SOX13: variants seen among roughly 807,000 people sequenced by gnomAD.
SOX13 encodes the protein transcription factor SOX-13.
In SOX13, 28 loss-of-function variants were observed where a neutral mutation model predicts 71.8. That is an observed-to-expected ratio of 0.39 (90% confidence interval 0.29 to 0.53). SOX13 has a LOEUF of 0.53. Among genes scored for constraint, SOX13 ranks in the 20% least tolerant of loss-of-function variants. SOX13 has a pLI of 0.70. For synonymous variants in SOX13, 309 were observed against 317.8 expected, an observed-to-expected ratio of 0.97 and a Z score of 0.29; for missense variants, 627 against 810.3, an observed-to-expected ratio of 0.77 and a Z score of 2.75.
chr1:204,074,570 C>G (rs1006722357), intron 1 of SOX13, among the ~76,000 whole-genome samples: 2 of 152,198 alleles, frequency 1.3e-5, no homozygotes, highest in Non-Finnish European at 2.9e-5. Flanking sequence ...GGCTGCTTCC[C>G]GTCCCCAGGC....
Position 204,116,666 on chromosome 1 carries a change from A to T in SOX13, c.578A>T (p.Gln193Leu), listed in dbSNP as rs764314715. 7.4e-6 allele frequency: 12 copies of T among 1,613,600 alleles called. 1 individual carries two copies. Among genetic ancestry groups the T allele is most frequent in the Non-Finnish European group, 9.3e-6 (11 of 1,179,850 alleles). The change falls in exon 5 of 14, where the codon CAG (glutamine) becomes CTG (leucine). Residue 193 changes from glutamine (Q) to leucine (L), a missense_variant. This residue lies in a region of SOX13 where 447 missense variants were observed against 532.2 expected (regional missense o/e 0.84). Transcript: ENST00000367204. ...KQQQQMELAR[Q>L]QQEQIAKQQQ... ...CAGCAGCAGATGGAGCTTGCCCGGC[A>T]GCAGCAGGAGCAGGTAGGTCCTGTT...
intron 1 of SOX13, among the ~76,000 whole-genome samples, chr1:204,077,736 ATTTC>A (rs1350463582): frequency 2.6e-5 from 4 of 152,210 alleles, no homozygotes; most frequent in Non-Finnish European, 4.4e-5. Context: ...GATGGTTTTA[ATTTC>A]TTTCTTTATC....
chr1:204,078,762 C>T (rs535951068), intron 1 of SOX13, among the ~76,000 whole-genome samples: 4 of 152,194 alleles, frequency 2.6e-5, no homozygotes, highest in African/African-American at 4.8e-5. Flanking sequence ...GTGACTACCC[C>T]CCTTTTGACT....
Position 204,123,189 on chromosome 1 carries a change from G to A in SOX13, c.1212G>A (p.Met404Ile), listed in dbSNP as rs200797333. 1.7e-3 allele frequency: 2,694 copies of A among 1,613,410 alleles called. 10 individuals are homozygous for A. Among genetic ancestry groups the A allele is most frequent in the Non-Finnish European group, 2.1e-3 (2,515 of 1,179,634 alleles). Reference protein sequence around the residue: ...DGCVHPLEEAMLSCDMDGSRH... With the variant: ...DGCVHPLEEAILSCDMDGSRH... ...GTGTGCACCCACTGGAGGAAGCCAT[G>A]CTGAGCTGCGACATGGATGGTGAGG... is the stretch of plus-strand genomic sequence containing the variant. Residue 404 changes from methionine (M) to isoleucine (I), a missense_variant, in exon 11 of 14, where the codon ATG (methionine) becomes ATA (isoleucine). By Grantham distance (10) the Met-to-Ile change is conservative (BLOSUM62 1). This residue lies in a region of SOX13 where 447 missense variants were observed against 532.2 expected (regional missense o/e 0.84). Coordinates refer to ENST00000367204, the MANE Select transcript of SOX13 (RefSeq NM_005686.3). This position sits in a 1 kb window ranked among gnomAD's most constrained non-coding sequence, Gnocchi z 5.0.
rs1437108457 is a variant in SOX13, at chr1:204,081,870, G to A, written c.-2+8159G>A. ...TGGCCTGTTCCATGAGGGTGGGGTA[G>A]GGTGGGGAAAGAAGGGGGAATAAAA... On this transcript the variant is annotated intron_variant, in intron 1 of 13. Coordinates refer to ENST00000367204, the MANE Select transcript of SOX13 (RefSeq NM_005686.3). This position sits in a 1 kb window ranked among gnomAD's most constrained non-coding sequence, Gnocchi z 4.3. Among the ~76,000 whole-genome samples, 4 of 152,140 alleles carry A rather than the reference G, an allele frequency of 2.6e-5. No individual in the cohort carries two copies. The highest frequency in any genetic ancestry group is 4.4e-5 in the Non-Finnish European group (3 of 68,016).
At chr1:204,105,413 CT>C (rs35841451) in intron 1 of SOX13, among the ~76,000 whole-genome samples, 34,029 of 138,030 alleles carry the variant, frequency 0.25, 4,395 homozygotes, top group East Asian at 0.4. Flanking sequence ...TGTATAATCT[CT>C]TTTTTTTTTG....
chr1:204,098,867 A>G (rs1243568586), intron 1 of SOX13, among the ~76,000 whole-genome samples: 1 of 152,250 alleles, frequency 6.6e-6, no homozygotes, highest in African/African-American at 2.4e-5. Flanking sequence ...CAAGTGGCGC[A>G]GGCAGGCTCC....
chr1:204,095,369 T>G (rs937836657), intron 1 of SOX13, among the ~76,000 whole-genome samples: 1 of 152,208 alleles, frequency 6.6e-6, no homozygotes, highest in Non-Finnish European at 1.5e-5. Flanking sequence ...GGGTTGCGCA[T>G]GGAAGCCTTT....
In SOX13 at chr1:204,073,123, C is replaced by G. The variant is rs1417935588; in HGVS notation, c.-590C>G. The G allele has an allele frequency of 6.6e-6, 1 of 151,974 alleles. No homozygotes were observed. Among genetic ancestry groups the G allele is most frequent in the Non-Finnish European group, 1.5e-5 (1 of 68,052 alleles). 9.4% of individuals were successfully genotyped at this position (151,974 alleles called of 1,614,324 possible). Reference sequence around the variant, plus strand: ...TCTCCTCTAGGCTGTCCAGTCGCCTCGCAGCAGCGAGCCGCGAGCGCCCTT... The same window carrying G: ...TCTCCTCTAGGCTGTCCAGTCGCCTGGCAGCAGCGAGCCGCGAGCGCCCTT... On this transcript the variant is annotated 5_prime_UTR_variant, in exon 1 of 14. Coordinates refer to ENST00000367204, the MANE Select transcript of SOX13 (RefSeq NM_005686.3). This position sits in a 1 kb window ranked among gnomAD's most constrained non-coding sequence, Gnocchi z 6.8.
intron 1 of SOX13, among the ~76,000 whole-genome samples, chr1:204,096,209 T>C (rs963406522): frequency 2.0e-5 from 3 of 151,060 alleles, no homozygotes; most frequent in South Asian, 2.1e-4. Flanking sequence ...CGCCATCATA[T>C]TTTTCTTTTC....
At chr1:204,092,299 C>T (rs1221635563) in intron 1 of SOX13, among the ~76,000 whole-genome samples, 1 of 151,904 alleles carries the variant, frequency 6.6e-6, no homozygotes, top group South Asian at 2.1e-4. Context: ...TGTAGGCCCA[C>T]CACACCTGGC....
chr1:204,115,657 CTTTTTTTTTTTTT>C (rs771014997), intron 4 of SOX13, among the ~76,000 whole-genome samples: 8 of 57,382 alleles, frequency 1.4e-4, no homozygotes, highest in Admixed American at 7.7e-4. Flanking sequence ...GCTTCTTCTT[CTTTTTTTTTTTTT>C]TTTTTTTTTT....
rs114612391 is a variant in SOX13, at chr1:204,078,769, G to A, written c.-2+5058G>A. On this transcript the variant is annotated intron_variant, in intron 1 of 13. Coordinates refer to ENST00000367204, the MANE Select transcript of SOX13 (RefSeq NM_005686.3). ...TTGCCTCGGTGACTACCCCCCTTTT[G>A]ACTGGCCCTTCCTTAGTTCTTGGGA... is the stretch of plus-strand genomic sequence containing the variant. 7.7e-3 allele frequency among the ~76,000 whole-genome samples: 1,174 copies of A among 152,324 alleles called. 10 individuals are homozygous for A. Among genetic ancestry groups the A allele is most frequent in the South Asian group, 0.025 (121 of 4,832 alleles).
At position 204,116,538 on chromosome 1, in the gene SOX13, C is replaced by T. The variant is rs1344512459; in HGVS notation, c.450C>T (p.Leu150=). 2.5e-6 allele frequency: 4 copies of T among 1,613,884 alleles called. No homozygotes were observed. In the African/African-American group the frequency reaches 4.0e-5, roughly 16 times the overall value. ...GTQESLAEKE[L]QLLVMIHQLS... ...AAGAGAGCCTAGCAGAGAAGGAGCT[C>T]CAGCTTCTGGTCATGATTCACCAGC... Residue 150 remains leucine, a synonymous_variant, in exon 5 of 14, where the codon CTC becomes CTT. Transcript: ENST00000367204.
intron 1 of SOX13, among the ~76,000 whole-genome samples, chr1:204,093,730 TG>T (rs1656194077): frequency 6.6e-6 from 1 of 152,268 alleles, no homozygotes; most frequent in Admixed American, 6.5e-5. Context: ...AGTGGAATTC[TG>T]TCTTCAAGTA....
At chr1:204,120,329 G>T (rs1396007400) in intron 7 of SOX13, among the ~76,000 whole-genome samples, 1 of 152,218 alleles carries the variant, frequency 6.6e-6, no homozygotes, top group African/African-American at 2.4e-5. Context: ...CAGTGATCTG[G>T]TCGGGGATAG....
chr1:204,080,301 A>T (rs1369284430), intron 1 of SOX13, among the ~76,000 whole-genome samples: 1 of 151,830 alleles, frequency 6.6e-6, no homozygotes, highest in Non-Finnish European at 1.5e-5. Flanking sequence ...GGTTAGGGGG[A>T]GGGGTATTGG....
intron 1 of SOX13, among the ~76,000 whole-genome samples, chr1:204,098,248 C>T (rs59065201): frequency 0.22 from 33,139 of 152,080 alleles, 3,940 homozygotes; most frequent in East Asian, 0.43. Flanking sequence ...GAGGCCAAGG[C>T]GGGCAGATCA....
chr1:204,109,041 C>T (rs147587464), intron 1 of SOX13, among the ~76,000 whole-genome samples: 8 of 152,324 alleles, frequency 5.3e-5, no homozygotes, highest in African/African-American at 1.7e-4. Flanking sequence ...TGGCTCTGAG[C>T]CCCTCCCGGT....
Sources: allele counts gnomAD v4.1 joint callset (sites outside exome capture counted in the v4.1 genomes callset), GRCh38; gene constraint gnomAD v4.1.1; regional missense constraint gnomAD v4.1.1; non-coding constraint Gnocchi (gnomAD v3.1); transcripts MANE v1.5; gene names NCBI Gene and HGNC (gene_info 2026-07-23, HGNC 2026-07-21).